ARHGDIB: variants seen among roughly 807,000 people sequenced by gnomAD.
The protein encoded by ARHGDIB is Rho GDP dissociation inhibitor beta.
In ARHGDIB, 20 loss-of-function variants were observed where a neutral mutation model predicts 22.6. The ratio of observed to expected loss-of-function variants is 0.88; its 90% CI spans 0.62 to 1.28. ARHGDIB has a LOEUF of 1.28. Among genes scored for constraint, ARHGDIB ranks in the 50% most tolerant of loss-of-function variants. The probability of loss-of-function intolerance (pLI) is 0.00; values close to 1 mark genes in which losing one functional copy is unlikely to be tolerated. For synonymous variants in ARHGDIB, 114 were observed against 96.1 expected, an observed-to-expected ratio of 1.19 and a Z score of -1.09; for missense variants, 254 against 245.4, an observed-to-expected ratio of 1.04 and a Z score of -0.23.
In ARHGDIB at chr12:14,942,197, T is replaced by C. The variant is rs575554746; in HGVS notation, c.*325A>G. The C allele has an allele frequency of 2.0e-4, 63 of 308,906 alleles. No individual in the cohort carries two copies. The highest frequency in any genetic ancestry group is 1.2e-3 in the African/African-American group (59 of 47,312). 19.1% of individuals were successfully genotyped at this position (308,906 alleles called of 1,614,324 possible). A position where few individuals can be genotyped will look rare whatever the true frequency, so the allele number is the denominator to read the frequency against. ...ACTGGAACCTGAGTCAAAGACCTGTTAGTGATAATTTGCCCATTTTCTGGC... is the reference window on the plus strand; with the variant it reads ...ACTGGAACCTGAGTCAAAGACCTGTCAGTGATAATTTGCCCATTTTCTGGC... On this transcript the variant is annotated 3_prime_UTR_variant, in exon 6 of 6. Coordinates refer to ENST00000228945, the MANE Select transcript of ARHGDIB (RefSeq NM_001175.7).
intron 1 of ARHGDIB, among the ~76,000 whole-genome samples, chr12:14,955,884 T>C (rs1565465154): frequency 6.6e-6 from 1 of 152,336 alleles, no homozygotes; most frequent in East Asian, 1.9e-4. Context: ...ATTGATAATA[T>C]TGATATTATT....
intron 3 of ARHGDIB, among the ~76,000 whole-genome samples, chr12:14,949,348 A>C (rs1864110762): frequency 6.6e-6 from 1 of 152,194 alleles, no homozygotes; most frequent in South Asian, 2.1e-4. Flanking sequence ...TTTCAAGCTA[A>C]AACAATTCAA....
At position 14,942,597 on chromosome 12, in the gene ARHGDIB, G is replaced by T; in HGVS notation, c.531C>A (p.Phe177Leu). 1 of 1,614,194 alleles carries T rather than the reference G, an allele frequency of 6.2e-7. No individual in the cohort carries two copies. The highest frequency in any genetic ancestry group is 2.2e-5 in the East Asian group (1 of 44,878). The change falls in exon 6 of 6, where the codon TTC (phenylalanine) becomes TTA (leucine). Residue 177 changes from phenylalanine (F) to leucine (L), a missense_variant. Coordinates refer to ENST00000228945, the MANE Select transcript of ARHGDIB (RefSeq NM_001175.7). ...GGTCTTGCTTGTCATCGTCGGTGAA[G>T]AAGGACTTGTTGTGGTACGTGCCTC... ...LARGTYHNKS[F>L]FTDDDKQDHL...
At chr12:14,942,748 G>A in intron 5 of ARHGDIB, 27 bp from the exon 6 acceptor site, 1 of 1,603,336 alleles carries the variant, frequency 6.2e-7, no homozygotes, top group Non-Finnish European at 8.5e-7. Flanking sequence ...GTTCATTAGG[G>A]TAAGAGCCTG....
At chr12:14,956,300 G>A (rs1864299680) in intron 1 of ARHGDIB, 1 of 152,200 alleles carries the variant, frequency 6.6e-6, no homozygotes, top group Non-Finnish European at 1.5e-5. Context: ...CCTCCTGCAA[G>A]TTGCTTAACC....
Position 14,949,827 on chromosome 12 carries a change from C to T in ARHGDIB, c.240G>A (p.Pro80=), listed in dbSNP as rs772715504. The change falls in exon 3 of 6, where the codon CCG becomes CCA. Residue 80 remains proline, a synonymous_variant. Transcript: ENST00000228945. ...TRLTLVCESA[P]GPITMDLTGD... ...CAGTAAGGTCCATGGTGATTGGTCC[C>T]GGGGCACTCTCACAAACCAGGGTGA... 1.2e-4 allele frequency: 187 copies of T among 1,613,512 alleles called. No homozygotes were observed. The highest frequency in any genetic ancestry group is 1.9e-4 in the African/African-American group (14 of 74,850).
chr12:14,952,007 T>C (rs1864187608), intron 1 of ARHGDIB, among the ~76,000 whole-genome samples: 2 of 152,084 alleles, frequency 1.3e-5, no homozygotes, highest in Admixed American at 6.5e-5. Flanking sequence ...GCAAGGAGAT[T>C]GTTTTCTGAT....
intron 1 of ARHGDIB, among the ~76,000 whole-genome samples, chr12:14,954,767 T>C (rs149494596): frequency 6.6e-6 from 1 of 152,336 alleles, no homozygotes; most frequent in East Asian, 1.9e-4. Context: ...AGAATATCTG[T>C]CTGTGTTTTG....
At chr12:14,949,333 CA>C (rs1864110327) in intron 3 of ARHGDIB, among the ~76,000 whole-genome samples, 1 of 152,174 alleles carries the variant, frequency 6.6e-6, no homozygotes. Context: ...TAACAAGAAT[CA>C]GAGTTTCAAG....
At chr12:14,946,823 C>G (rs778304847) in intron 4 of ARHGDIB, among the ~76,000 whole-genome samples, 1 of 152,212 alleles carries the variant, frequency 6.6e-6, no homozygotes, top group Non-Finnish European at 1.5e-5. Flanking sequence ...AAAAATGAAA[C>G]TGATGTGCAA....
intron 4 of ARHGDIB, 51 bp downstream of exon 4, chr12:14,947,822 A>G: frequency 7.0e-7 from 1 of 1,430,192 alleles, no homozygotes; most frequent in Non-Finnish European, 9.8e-7. Flanking sequence ...GTAGTCACTG[A>G]TTAAAGAAAA....
chr12:14,947,899 C>G lies in ARHGDIB; in HGVS notation c.316G>C (p.Glu106Gln). 6.2e-7 allele frequency: 1 copy of G among 1,613,204 alleles called. No homozygotes were observed. The highest frequency in any genetic ancestry group is 8.5e-7 in the Non-Finnish European group (1 of 1,179,170). Reference protein sequence around the residue: ...KETIVLKEGSEYRVKIHFKVN... With the variant: ...KETIVLKEGSQYRVKIHFKVN... ...TTGAAGTGAATTTTGACTCTATATTCAGAACCTTCCTTTAACACAATGGTT... is the reference window on the plus strand; with the variant it reads ...TTGAAGTGAATTTTGACTCTATATTGAGAACCTTCCTTTAACACAATGGTT... The change falls in exon 4 of 6, where the codon GAA becomes CAA. Residue 106 changes from glutamate (E) to glutamine (Q), a missense_variant. Glu to Gln is a conservative substitution (Grantham distance 29). Transcript: ENST00000228945.
In ARHGDIB at chr12:14,942,296, C is replaced by G. The variant is rs1463591322; in HGVS notation, c.*226G>C. The G allele has an allele frequency of 8.9e-6, 5 of 563,880 alleles. No homozygotes were observed. The highest frequency in any genetic ancestry group is 1.3e-5 in the Non-Finnish European group (4 of 313,994). 34.9% of individuals were successfully genotyped at this position (563,880 alleles called of 1,614,324 possible). A position where few individuals can be genotyped will look rare whatever the true frequency, so the allele number is the denominator to read the frequency against. ...GTACTGAGATGGAGACGTGGAAGAT[C>G]TGGCCCTGATGGAGGATCAGAGGGA... is the stretch of plus-strand genomic sequence containing the variant. On this transcript the variant is annotated 3_prime_UTR_variant, in exon 6 of 6. Transcript: ENST00000228945.
chr12:14,959,315 G>C lies in ARHGDIB; in HGVS notation c.-13+2222C>G, dbSNP rs548054242. ...CGCCTATAGTCCCAGCTACTCGGGAGGTTGAGGCGGGAGGATCACGTGAGC... is the reference window on the plus strand; with the variant it reads ...CGCCTATAGTCCCAGCTACTCGGGACGTTGAGGCGGGAGGATCACGTGAGC... On this transcript the variant is annotated intron_variant, in intron 1 of 5. Transcript: ENST00000228945. 5.3e-5 allele frequency among the ~76,000 whole-genome samples: 8 copies of C among 152,308 alleles called. 1 individual carries two copies. The South Asian group carries it at 1.7e-3, about 32-fold the overall frequency.
intron 1 of ARHGDIB, among the ~76,000 whole-genome samples, chr12:14,952,215 A>G (rs16910408): frequency 0.015 from 2,273 of 149,512 alleles, 50 homozygotes; most frequent in African/African-American, 0.051. Flanking sequence ...TGTCACTATT[A>G]TTGGCAAGAG....
At chr12:14,952,840 G>A (rs1864211154) in intron 1 of ARHGDIB, among the ~76,000 whole-genome samples, 1 of 152,226 alleles carries the variant, frequency 6.6e-6, no homozygotes, top group Non-Finnish European at 1.5e-5. Flanking sequence ...GTTCTAACAA[G>A]TCGCCTGATT....
chr12:14,949,390 G>A (rs906060769), intron 3 of ARHGDIB, among the ~76,000 whole-genome samples: 6 of 152,078 alleles, frequency 3.9e-5, no homozygotes, highest in Admixed American at 6.5e-5. Flanking sequence ...GTATAATTCC[G>A]GATTGCTTCT....
At chr12:14,955,103 T>A (rs1216836831) in intron 1 of ARHGDIB, among the ~76,000 whole-genome samples, 2 of 152,186 alleles carry the variant, frequency 1.3e-5, no homozygotes, top group African/African-American at 4.8e-5. Context: ...GGTCTTTGCA[T>A]AATAAAGGGT....
At chr12:14,944,711 T>TAACCAGAAGTTAA in intron 5 of ARHGDIB, 65 bp downstream of exon 5, 1 of 1,507,282 alleles carries the variant, frequency 6.6e-7, no homozygotes, top group Non-Finnish European at 9.1e-7. Flanking sequence ...AAGTTGCTAA[T>TAACCAGAAGTTAA]AACCAGAAGT....
Sources: allele counts gnomAD v4.1 joint callset (sites outside exome capture counted in the v4.1 genomes callset), GRCh38; gene constraint gnomAD v4.1.1; transcripts MANE v1.5; gene names NCBI Gene and HGNC (gene_info 2026-07-23, HGNC 2026-07-21).